Variants in AGMO observed in about 807,000 individuals in gnomAD.
AGMO encodes glyceryl-ether monooxygenase.
In AGMO, 75 loss-of-function variants were observed where a neutral mutation model predicts 60.2. The ratio of observed to expected loss-of-function variants is 1.25; its 90% CI spans 1.03 to 1.51. AGMO has a LOEUF of 1.51. AGMO is among the 40% of genes most tolerant of loss of function. AGMO has a pLI of 0.00. For synonymous variants in AGMO, 261 were observed against 177.1 expected, an observed-to-expected ratio of 1.47 and a Z score of -3.76; for missense variants, 763 against 525.5, an observed-to-expected ratio of 1.45 and a Z score of -4.42.
intron 10 of AGMO, among the ~76,000 whole-genome samples, chr7:15,384,159 G>T (rs988089485): frequency 6.6e-6 from 1 of 151,960 alleles, no homozygotes; most frequent in African/African-American, 2.4e-5. Flanking sequence ...GGATGGTCTC[G>T]ATCTCCTGAC....
At chr7:15,400,430 T>TA (rs1186602558) in intron 5 of AGMO, among the ~76,000 whole-genome samples, 2 of 152,050 alleles carry the variant, frequency 1.3e-5, no homozygotes, top group Non-Finnish European at 2.9e-5. Flanking sequence ...TGGTACAAAA[T>TA]GTCAATAGTG....
chr7:15,403,510 A>G (rs1417574157), intron 5 of AGMO, among the ~76,000 whole-genome samples: 1 of 152,010 alleles, frequency 6.6e-6, no homozygotes, highest in African/African-American at 2.4e-5. Context: ...TAAAGGTAGA[A>G]TAAATGACAA....
chr7:15,372,111 T>C lies in AGMO; in HGVS notation c.1075-5889A>G, dbSNP rs182185638. Among the ~76,000 whole-genome samples, 802 of 151,482 alleles carry C rather than the reference T, an allele frequency of 5.3e-3. 11 individuals carry two copies. Among genetic ancestry groups the C allele is most frequent in the African/African-American group, 0.018 (756 of 41,358 alleles). ...GGAACTTAAGTTTTTCTATATAGTA[T>C]CCTTTGATAGACTACTAAGGGAGAT... is the stretch of plus-strand genomic sequence containing the variant. On this transcript the variant is annotated intron_variant, in intron 10 of 12. Transcript: ENST00000342526.
intron 12 of AGMO, among the ~76,000 whole-genome samples, chr7:15,315,387 GAGTGT>G (rs1195746595): frequency 7.6e-6 from 1 of 132,064 alleles, no homozygotes; most frequent in African/African-American, 3.1e-5. Flanking sequence ...TGCCAGGCTG[GAGTGT>G]AGTGGCGCGA....
the AGMO span, among the ~76,000 whole-genome samples, chr7:15,193,905 C>G: frequency 6.6e-6 from 1 of 152,066 alleles, no homozygotes; most frequent in Admixed American, 6.5e-5. Flanking sequence ...AAATAAATTT[C>G]TAGGCAATTT....
chr7:15,332,897 G>A (rs547937522), intron 12 of AGMO, among the ~76,000 whole-genome samples: 48 of 151,954 alleles, frequency 3.2e-4, no homozygotes, highest in African/African-American at 1.1e-3. Flanking sequence ...TCAGTATATT[G>A]CATTATGGTA....
intron 5 of AGMO, among the ~76,000 whole-genome samples, chr7:15,395,336 C>A (rs1221026880): frequency 6.6e-6 from 1 of 152,028 alleles, no homozygotes; most frequent in Non-Finnish European, 1.5e-5. Context: ...AGAGATAAGA[C>A]TGCTTAAAAT....
intron 12 of AGMO, among the ~76,000 whole-genome samples, chr7:15,310,559 A>C (rs193261297): frequency 2.6e-5 from 4 of 151,168 alleles, no homozygotes; most frequent in African/African-American, 9.6e-5. Context: ...TATTTTAAGT[A>C]ATAATGTGTC....
intron 12 of AGMO, among the ~76,000 whole-genome samples, chr7:15,294,550 G>A (rs925908354): frequency 6.6e-5 from 10 of 151,536 alleles, no homozygotes; most frequent in South Asian, 2.1e-4. Context: ...AAATGTGTGC[G>A]ACATGTATTT....
intron 12 of AGMO, among the ~76,000 whole-genome samples, chr7:15,268,088 C>T (rs922393832): frequency 3.3e-5 from 5 of 151,170 alleles, no homozygotes; most frequent in African/African-American, 1.2e-4. Flanking sequence ...AATATGATAC[C>T]AAGAGTTATT....
At chr7:15,510,883 C>CA (rs1319097114) in intron 3 of AGMO, among the ~76,000 whole-genome samples, 3 of 147,494 alleles carry the variant, frequency 2.0e-5, no homozygotes, top group African/African-American at 7.4e-5. Flanking sequence ...ATAAATATAA[C>CA]ATATAATATA....
At chr7:15,117,293 C>A in the AGMO span, among the ~76,000 whole-genome samples, 1 of 151,854 alleles carries the variant, frequency 6.6e-6, no homozygotes, top group African/African-American at 2.4e-5. Context: ...GTAATAACTG[C>A]AAAGGAACAA....
chr7:15,289,369 GT>G (rs1784192075), intron 12 of AGMO, among the ~76,000 whole-genome samples: 1 of 151,544 alleles, frequency 6.6e-6, no homozygotes, highest in African/African-American at 2.4e-5. Context: ...TTCCGAGTTT[GT>G]TTTCTAAAAA....
chr7:15,159,409 G>T, the AGMO span, among the ~76,000 whole-genome samples: 8 of 152,140 alleles, frequency 5.3e-5, no homozygotes, highest in Admixed American at 3.9e-4. Context: ...CTTCTGCTGA[G>T]ATTTCAGTTC....
intron 3 of AGMO, among the ~76,000 whole-genome samples, chr7:15,452,810 C>CA (rs1207691907): frequency 6.6e-6 from 1 of 151,912 alleles, no homozygotes; most frequent in African/African-American, 2.4e-5. Context: ...TTAGAGTAGC[C>CA]AAAAAGTGGA....
intron 5 of AGMO, among the ~76,000 whole-genome samples, chr7:15,401,302 A>G (rs1784546625): frequency 6.6e-6 from 1 of 152,134 alleles, no homozygotes; most frequent in South Asian, 2.1e-4. Flanking sequence ...TATAATTCAT[A>G]ATTATTTCTC....
intron 9 of AGMO, among the ~76,000 whole-genome samples, chr7:15,387,055 C>A (rs180772802): frequency 2.0e-5 from 3 of 152,290 alleles, no homozygotes; most frequent in Admixed American, 6.5e-5. Context: ...ATTCCTAAGG[C>A]TCCCTCCGTC....
At chr7:15,218,513 G>C (rs900244148) in intron 12 of AGMO, among the ~76,000 whole-genome samples, 1 of 150,918 alleles carries the variant, frequency 6.6e-6, no homozygotes, top group Admixed American at 6.6e-5. Flanking sequence ...GAAGGGAGTG[G>C]GCTTCCAATG....
chr7:15,292,375 G>C (rs890481040), intron 12 of AGMO, among the ~76,000 whole-genome samples: 1 of 152,158 alleles, frequency 6.6e-6, no homozygotes, highest in Non-Finnish European at 1.5e-5. Flanking sequence ...CAATTACATT[G>C]TCGGTTCTAG....
Sources: gnomAD v4.1 joint callset for allele counts (sites outside exome capture counted in the v4.1 genomes callset) on GRCh38, gnomAD v4.1.1 for gene constraint, MANE v1.5 for transcripts, NCBI Gene and HGNC (gene_info 2026-07-23, HGNC 2026-07-21) for gene names.